The following KMT2C variants were observed in gnomAD, a reference collection of about 807,000 sequenced individuals.
KMT2C encodes the protein lysine methyltransferase 2C.
KMT2C carries 88 observed loss-of-function variants against 507.9 expected under a neutral mutation model. That is an observed-to-expected ratio of 0.17 (90% CI 0.15 to 0.21). The LOEUF is 0.21. Ranked by LOEUF, KMT2C falls within the 10% of genes least tolerant of loss-of-function variation. The probability of loss-of-function intolerance (pLI) is 1.00; values close to 1 mark genes in which losing one functional copy is unlikely to be tolerated. For synonymous variants in KMT2C, 2,049 were observed against 2,080.8 expected (o/e 0.98, Z 0.42); for missense variants, 4,954 against 5,957.8 (o/e 0.83, Z 5.55).
intron 34 of KMT2C, among the ~76,000 whole-genome samples, chr7:152,184,335 A>G (rs917862223): frequency 1.3e-5 from 2 of 152,154 alleles, no homozygotes; most frequent in Non-Finnish European, 2.9e-5. Context: ...AACAAGCTGG[A>G]AAATAACTAT....
intron 6 of KMT2C, among the ~76,000 whole-genome samples, chr7:152,294,642 C>T (rs564810190): frequency 1.3e-5 from 2 of 152,102 alleles, no homozygotes; most frequent in Admixed American, 1.3e-4. Context: ...GCCGGACCCG[C>T]CACTCCCAAA....
chr7:152,341,154 T>C (rs1341409888), intron 2 of KMT2C, among the ~76,000 whole-genome samples: 5 of 152,196 alleles, frequency 3.3e-5, no homozygotes, highest in Non-Finnish European at 5.9e-5. Context: ...TGAAACTGTC[T>C]TGGACCCTCT....
At chr7:152,330,844 C>A in intron 2 of KMT2C, 105 bp from the exon 3 acceptor site, 1 of 1,066,174 alleles carries the variant, frequency 9.4e-7, no homozygotes, top group Non-Finnish European at 1.4e-6. Flanking sequence ...AAAGAAACAA[C>A]AAATAACAAT....
At chr7:152,202,437 A>G (rs1280540116) in intron 26 of KMT2C, among the ~76,000 whole-genome samples, 3 of 152,182 alleles carry the variant, frequency 2.0e-5, no homozygotes, top group East Asian at 1.9e-4. Context: ...ACTGAAAGGT[A>G]TTTTTCTGAT....
intron 6 of KMT2C, among the ~76,000 whole-genome samples, chr7:152,302,364 C>T (rs1191023439): frequency 1.3e-5 from 2 of 152,050 alleles, no homozygotes; most frequent in Non-Finnish European, 2.9e-5. Flanking sequence ...GCTGGGATTA[C>T]AGGCACACGT....
intron 2 of KMT2C, among the ~76,000 whole-genome samples, chr7:152,353,330 C>T (rs1414868392): frequency 6.6e-6 from 1 of 152,134 alleles, no homozygotes; most frequent in East Asian, 1.9e-4. Context: ...GAGGCTGAGG[C>T]AGAGAATTGC....
At chr7:152,165,963 C>T (rs992346037) in intron 42 of KMT2C, among the ~76,000 whole-genome samples, 1 of 152,196 alleles carries the variant, frequency 6.6e-6, no homozygotes, top group African/African-American at 2.4e-5. Flanking sequence ...GCTGGGATTA[C>T]AGGCGTGAGC....
At chr7:152,333,394 C>G (rs2096902244) in intron 2 of KMT2C, among the ~76,000 whole-genome samples, 1 of 152,058 alleles carries the variant, frequency 6.6e-6, no homozygotes, top group Non-Finnish European at 1.5e-5. Context: ...CCCAAAGTGC[C>G]AAGAATACAG....
chr7:152,169,150 C>A, intron 41 of KMT2C, 36 bp downstream of exon 41: 2 of 1,297,686 alleles, frequency 1.5e-6, no homozygotes, highest in South Asian at 1.2e-5. Flanking sequence ...GACAAGCAAT[C>A]CCCAGAAAAC....
chr7:152,272,794 G>C (rs112896294), intron 7 of KMT2C, among the ~76,000 whole-genome samples: 1 of 152,162 alleles, frequency 6.6e-6, no homozygotes, highest in Non-Finnish European at 1.5e-5. Context: ...TGATCATGTA[G>C]ACTAACTGTA....
At chr7:152,233,423 T>A (rs1367183576) in intron 16 of KMT2C, among the ~76,000 whole-genome samples, 1 of 151,982 alleles carries the variant, frequency 6.6e-6, no homozygotes, top group Non-Finnish European at 1.5e-5. Flanking sequence ...TTCACAAGTG[T>A]CCCTTCCAAG....
chr7:152,318,199 G>T (rs1458181195), intron 3 of KMT2C, among the ~76,000 whole-genome samples: 2 of 151,930 alleles, frequency 1.3e-5, no homozygotes, highest in Non-Finnish European at 2.9e-5. Context: ...TTCTAAAATA[G>T]CATACGAAAT....
chr7:152,187,219 G>A (rs1353269793), intron 33 of KMT2C, 43 bp downstream of exon 33: 1 of 1,506,342 alleles, frequency 6.6e-7, no homozygotes, highest in South Asian at 1.2e-5. Context: ...TATTGCACAT[G>A]TGAAAATGTT....
At chr7:152,347,538 TAAC>T (rs999191968) in intron 2 of KMT2C, among the ~76,000 whole-genome samples, 3 of 152,208 alleles carry the variant, frequency 2.0e-5, no homozygotes, top group African/African-American at 7.2e-5. Context: ...TTCACTGCAA[TAAC>T]AACAGGAGGT....
chr7:152,420,907 A>G (rs1175889937), intron 1 of KMT2C, among the ~76,000 whole-genome samples: 1 of 152,086 alleles, frequency 6.6e-6, no homozygotes, highest in Non-Finnish European at 1.5e-5. Context: ...ATTAGGAGAT[A>G]TACTTAATGT....
rs2090944368 is a variant in KMT2C at position 152,144,863 on chromosome 7, G to C, written c.14193C>G (p.Ser4731Arg). 6.2e-7 allele frequency: 1 copy of C among 1,613,386 alleles called. No homozygotes were observed. The highest frequency in any genetic ancestry group is 8.5e-7 in the Non-Finnish European group (1 of 1,179,458). ...RFVLRPHTLN[S>R]TSTSKSFQST... is the part of the protein sequence containing the mutation. ...TCTGAAATGACTTTGAGGTGCTGGT[G>C]CTGTTTAAGGTGTGAGGCCTGCAGA... is the stretch of plus-strand genomic sequence containing the variant. The change falls in exon 55 of 59, where the codon AGC becomes AGG. Residue 4731 changes from serine to arginine, a missense_variant. By Grantham distance (110) the Ser-to-Arg change is moderately radical. Around this residue, in one of 29 missense-constraint regions of KMT2C, gnomAD observed 133 missense variants for 258.9 expected, o/e 0.51. Transcript: ENST00000262189. The surrounding 1 kb of genome is among the most constrained non-coding windows in gnomAD (Gnocchi z 4.4).
chr7:152,435,598 C>G, intron 1 of KMT2C, 28 bp downstream of exon 1: 6 of 1,402,824 alleles, frequency 4.3e-6, no homozygotes, highest in Non-Finnish European at 5.6e-6. Context: ...CGCTGGCTCC[C>G]GGCCTGGCTC....
At chr7:152,291,645 T>C (rs2096429274) in intron 6 of KMT2C, among the ~76,000 whole-genome samples, 1 of 152,240 alleles carries the variant, frequency 6.6e-6, no homozygotes, top group Admixed American at 6.5e-5. Context: ...TAAACACTAA[T>C]TCTTCCATCA....
rs1338361254 is a variant in KMT2C at position 152,181,456 on chromosome 7, G to A, written c.6404C>T (p.Pro2135Leu). 1 of 1,614,082 alleles carries A rather than the reference G, an allele frequency of 6.2e-7. No homozygotes were observed. Among genetic ancestry groups the A allele is most frequent in the Non-Finnish European group, 8.5e-7 (1 of 1,180,022 alleles). ...PTSQDPYSQPPGTPRPVVDSY... is the reference protein window; with the variant it reads ...PTSQDPYSQPLGTPRPVVDSY... ...ATCTACAACAGGTCGTGGAGTTCCT[G>A]GGGGTTGGGAGTATGGGTCCTGAGA... The change falls in exon 36 of 59, where the codon CCA becomes CTA. Residue 2135 changes from proline to leucine, a missense_variant. Transcript: ENST00000262189.
Sources: allele counts gnomAD v4.1 joint callset (sites outside exome capture counted in the v4.1 genomes callset), GRCh38; gene constraint gnomAD v4.1.1; regional missense constraint gnomAD v4.1.1; non-coding constraint Gnocchi (gnomAD v3.1); transcripts MANE v1.5; gene names NCBI Gene and HGNC (gene_info 2026-07-23, HGNC 2026-07-21).